SASS6: variants seen among roughly 807,000 people sequenced by gnomAD.
The protein encoded by SASS6 is spindle assembly abnormal protein 6 homolog.
A neutral mutation model predicts 94.9 loss-of-function variants in SASS6; 59 were observed. The ratio of observed to expected loss-of-function variants is 0.62; its 90% CI spans 0.50 to 0.77. The LOEUF (loss-of-function observed/expected upper bound fraction) is 0.77. SASS6 is among the 30% of genes least tolerant of loss of function. The pLI, the probability that SASS6 is intolerant of heterozygous loss-of-function variation, is 0.00. For missense variants in SASS6, 698 were observed against 734.1 expected, an observed-to-expected ratio of 0.95 and a Z score of 0.57; for synonymous variants, 264 against 270.0, an observed-to-expected ratio of 0.98 and a Z score of 0.22.
chr1:100,093,028 T>G (rs764494563), intron 14 of SASS6, among the ~76,000 whole-genome samples: 1 of 152,150 alleles, frequency 6.6e-6, no homozygotes, highest in African/African-American at 2.4e-5. Context: ...GTATGTATAT[T>G]GTACTTTAAG....
rs768670143 is a variant in SASS6 at position 100,105,915 on chromosome 1, G to C, written c.1409-12C>G. On this transcript the variant is annotated splice_polypyrimidine_tract_variant and intron_variant, in intron 12 of 16. Coordinates refer to ENST00000287482, the MANE Select transcript of SASS6 (RefSeq NM_194292.3). ...TAACCACGTGATTACTTAAATAAAA[G>C]AACAAGAAGCAAGGTAAAGAATATT... is the stretch of plus-strand genomic sequence containing the variant. The C allele has an allele frequency of 1.3e-6, 2 of 1,556,952 alleles. No homozygotes were observed. The highest frequency in any genetic ancestry group is 1.8e-6 in the Non-Finnish European group (2 of 1,141,640).
intron 14 of SASS6, among the ~76,000 whole-genome samples, chr1:100,096,580 A>T (rs1395551767): frequency 6.6e-6 from 1 of 152,218 alleles, no homozygotes; most frequent in Admixed American, 6.5e-5. Flanking sequence ...TTCAAAAGAC[A>T]CATTGAGAAA....
At chr1:100,101,478 G>GT (rs1328685894) in intron 14 of SASS6, among the ~76,000 whole-genome samples, 2 of 151,694 alleles carry the variant, frequency 1.3e-5, no homozygotes, top group African/African-American at 4.8e-5. Flanking sequence ...AAGAATGATA[G>GT]TATTATTTTA....
chr1:100,106,833 G>T, intron 12 of SASS6, 79 bp downstream of exon 12: 1 of 680,650 alleles, frequency 1.5e-6, no homozygotes, highest in South Asian at 1.6e-5. Context: ...CAGCCTCGGT[G>T]ACAGAGTGAG....
At chr1:100,111,849 A>C (rs375974509) in intron 7 of SASS6, among the ~76,000 whole-genome samples, 6 of 152,252 alleles carry the variant, frequency 3.9e-5, no homozygotes, top group African/African-American at 1.4e-4. Flanking sequence ...AAATCAGAGC[A>C]AACTGGTAAA....
rs929393542 is a variant in SASS6 at position 100,083,713 on chromosome 1, C to A, written c.*1615G>T. On this transcript the variant is annotated 3_prime_UTR_variant, in exon 17 of 17. Coordinates refer to ENST00000287482, the MANE Select transcript of SASS6 (RefSeq NM_194292.3). ...AAGTTTAGGAGGTAAAGAATTAGCA[C>A]ACTTGGAAGTCTGTATACATTTAAT... 6.6e-6 allele frequency: 1 copy of A among 151,972 alleles called. No homozygotes were observed. Among genetic ancestry groups the A allele is most frequent in the African/African-American group, 2.4e-5 (1 of 41,394 alleles). The allele number at this position is 151,972 out of a possible 1,614,324, so 9.4% of individuals were successfully genotyped here. A position where few individuals can be genotyped will look rare whatever the true frequency, so the allele number is the denominator to read the frequency against.
chr1:100,099,533 C>T (rs1234915217), intron 14 of SASS6: 3 of 152,512 alleles, frequency 2.0e-5, no homozygotes, highest in Admixed American at 6.5e-5. Flanking sequence ...CAGTGGATGC[C>T]GGGAACAACC....
At chr1:100,089,945 T>C (rs1172173933) in intron 14 of SASS6, among the ~76,000 whole-genome samples, 1 of 151,982 alleles carries the variant, frequency 6.6e-6, no homozygotes, top group African/African-American at 2.4e-5. Context: ...AAGTAAAATT[T>C]TGACAACAGT....
chr1:100,127,178 T>G (rs1654677900), intron 1 of SASS6, among the ~76,000 whole-genome samples: 1 of 152,262 alleles, frequency 6.6e-6, no homozygotes, highest in Non-Finnish European at 1.5e-5. Context: ...GCACAAGTAC[T>G]TCTCAAACTA....
chr1:100,111,010 T>G (rs1446306096), intron 7 of SASS6, among the ~76,000 whole-genome samples: 1 of 152,038 alleles, frequency 6.6e-6, no homozygotes, highest in Non-Finnish European at 1.5e-5. Flanking sequence ...CAATAAAATT[T>G]GAACATGGTT....
At chr1:100,118,062 G>A (rs900966666) in intron 7 of SASS6, among the ~76,000 whole-genome samples, 2 of 152,220 alleles carry the variant, frequency 1.3e-5, no homozygotes, top group Admixed American at 6.5e-5. Context: ...GCTCATGCCT[G>A]TAATCCCAGC....
chr1:100,121,397 C>A lies in SASS6; in HGVS notation c.464G>T (p.Gly155Val). 6.3e-7 allele frequency: 1 copy of A among 1,577,630 alleles called. No homozygotes were observed. The change falls in exon 5 of 17, where the codon GGC becomes GTC. Residue 155 changes from glycine to valine, a missense_variant. By Grantham distance (109) the Gly-to-Val change is moderately radical. Transcript: ENST00000287482. ...TCTTACCTTGCTACATTTCAAACAGCCTGCGAGAAATTTCTTTATCTCCAC... is the reference window on the plus strand; with the variant it reads ...TCTTACCTTGCTACATTTCAAACAGACTGCGAGAAATTTCTTTATCTCCAC... ...NDVEIKKFLA[G>V]CLKCSKEEKL...
chr1:100,091,762 AT>A (rs909196939), intron 14 of SASS6, among the ~76,000 whole-genome samples: 23 of 151,806 alleles, frequency 1.5e-4, no homozygotes, highest in Admixed American at 1.3e-4. Context: ...AAATAATCAA[AT>A]CTGAAAAACA....
At chr1:100,101,851 T>C (rs1261453859) in intron 14 of SASS6, among the ~76,000 whole-genome samples, 1 of 152,234 alleles carries the variant, frequency 6.6e-6, no homozygotes, top group Non-Finnish European at 1.5e-5. Flanking sequence ...AATAAGGCTA[T>C]GGCTAAAAAG....
At chr1:100,103,450 T>C (rs1281759267) in intron 13 of SASS6, among the ~76,000 whole-genome samples, 1 of 152,186 alleles carries the variant, frequency 6.6e-6, no homozygotes, top group Non-Finnish European at 1.5e-5. Context: ...ATAAAACTAA[T>C]TTTCTGTCAG....
intron 1 of SASS6, among the ~76,000 whole-genome samples, chr1:100,127,844 G>T (rs945089840): frequency 6.7e-6 from 1 of 148,812 alleles, no homozygotes; most frequent in Admixed American, 6.7e-5. Context: ...GGGAGGGGGG[G>T]ACTCAGTTTC....
intron 14 of SASS6, among the ~76,000 whole-genome samples, chr1:100,091,052 C>A (rs867792469): frequency 6.6e-6 from 1 of 152,098 alleles, no homozygotes; most frequent in African/African-American, 2.4e-5. Flanking sequence ...CGCATGTGAT[C>A]CCAGCATTTT....
At chr1:100,129,038 A>T (rs1328094439) in intron 1 of SASS6, among the ~76,000 whole-genome samples, 6 of 152,160 alleles carry the variant, frequency 3.9e-5, no homozygotes, top group Non-Finnish European at 7.4e-5. Context: ...CAAGAGTTCA[A>T]GACCAGCATG....
intron 7 of SASS6, among the ~76,000 whole-genome samples, 178 bp downstream of exon 7, chr1:100,118,840 C>T (rs546280490): frequency 2.6e-5 from 4 of 151,996 alleles, no homozygotes; most frequent in Admixed American, 2.6e-4. Flanking sequence ...AAAAATACAT[C>T]AAAATGTTTA....
Sources: gnomAD v4.1 joint callset for allele counts (sites outside exome capture counted in the v4.1 genomes callset) on GRCh38, gnomAD v4.1.1 for gene constraint, MANE v1.5 for transcripts, NCBI Gene and HGNC (gene_info 2026-07-23, HGNC 2026-07-21) for gene names.